The following ABCA1 variants were observed in gnomAD, a reference collection of about 807,000 sequenced individuals.
ABCA1 encodes phospholipid-transporting ATPase ABCA1.
In ABCA1, 133 loss-of-function variants were observed where a neutral mutation model predicts 262.5. The observed-to-expected ratio is 0.51, with a 90% CI of 0.44 to 0.59. The LOEUF (loss-of-function observed/expected upper bound fraction) is 0.59. Among genes scored for constraint, ABCA1 ranks in the 20% least tolerant of loss-of-function variants. The pLI is 0.00. For synonymous variants in ABCA1, 1,022 were observed against 1,043.5 expected (o/e 0.98, Z 0.40); for missense variants, 2,452 against 2,777.5 (o/e 0.88, Z 2.63).
chr9:104,824,340 G>T, intron 18 of ABCA1, 125 bp downstream of exon 18: 1 of 1,538,956 alleles, frequency 6.5e-7, no homozygotes. Context: ...CACTGCATGT[G>T]ATTTCTCTGC....
At chr9:104,818,569 T>C (rs531450867) in intron 23 of ABCA1, 94 bp downstream of exon 23, 4 of 1,237,802 alleles carry the variant, frequency 3.2e-6, no homozygotes, top group Admixed American at 1.7e-5. Flanking sequence ...GGTTTCAACA[T>C]GGCAAAAGGG....
At chr9:104,837,226 T>C in intron 10 of ABCA1, 130 bp from the exon 11 acceptor site, 1 of 1,043,420 alleles carries the variant, frequency 9.6e-7, no homozygotes, top group South Asian at 1.4e-5. Context: ...CCCCAAGAAA[T>C]GCCTGCTTGT....
intron 8 of ABCA1, among the ~76,000 whole-genome samples, chr9:104,841,695 C>A (rs997666105): frequency 6.6e-5 from 10 of 152,140 alleles, no homozygotes; most frequent in Non-Finnish European, 1.5e-4. Context: ...TGGTGAGGCA[C>A]AAATCCTATG....
At chr9:104,851,085 T>C (rs1389657374) in intron 7 of ABCA1, among the ~76,000 whole-genome samples, 2 of 152,204 alleles carry the variant, frequency 1.3e-5, no homozygotes, top group African/African-American at 4.8e-5. Flanking sequence ...CAACATACCA[T>C]GTTTCCTAAA....
At position 104,783,993 on chromosome 9, in the gene ABCA1, C is replaced by CAAA. The variant is rs557492263; in HGVS notation, c.*319_*321dup. On this transcript the variant is annotated 3_prime_UTR_variant, in exon 50 of 50. Transcript: ENST00000374736. ...CAACCCCAATGAGAATACACAGGAA[C>CAAA]AAAAAAAAAAAAAAAAGTGTGAGTT... The CAAA allele has an allele frequency of 2.0e-4, 27 of 135,144 alleles. No individual in the cohort carries two copies. Among genetic ancestry groups the CAAA allele is most frequent in the East Asian group, 2.9e-4 (2 of 6,828 alleles). 8.4% of individuals were successfully genotyped at this position (135,144 alleles called of 1,614,324 possible).
rs1828572563 is a variant in ABCA1 at position 104,781,963 on chromosome 9, T to C, written c.*2352A>G. ...TGAAGATGTATAACTATAGATTGTT[T>C]CTAGCTTCAGAAGAGGTCCTTTCAA... On this transcript the variant is annotated 3_prime_UTR_variant, in exon 50 of 50. Transcript: ENST00000374736. 1 of 152,158 alleles carries C rather than the reference T, an allele frequency of 6.6e-6. No individual in the cohort carries two copies. The allele number at this position is 152,158 out of a possible 1,614,324, so 9.4% of individuals were successfully genotyped here. A position where few individuals can be genotyped will look rare whatever the true frequency, so the allele number is the denominator to read the frequency against.
In ABCA1 at chr9:104,882,028, T is replaced by TAAAAAAAA. The variant is rs557626075; in HGVS notation, c.421+1003_421+1010dup. ...CAAGGAAAGCACAGTTCTGTAGCCT[T>TAAAAAAAA]AAAAAAAAAAAAAAAAAAAAAAAAA... On this transcript the variant is annotated intron_variant, in intron 5 of 49. Transcript: ENST00000374736. Among the ~76,000 whole-genome samples, 411 of 73,718 alleles carry TAAAAAAAA rather than the reference T, an allele frequency of 5.6e-3. 19 individuals carry two copies. The highest frequency in any genetic ancestry group is 0.011 in the African/African-American group (219 of 20,398). 48.4% of individuals were successfully genotyped at this position (73,718 alleles called of 152,430 possible).
chr9:104,833,940 C>T (rs893863250), intron 11 of ABCA1, among the ~76,000 whole-genome samples: 1 of 131,838 alleles, frequency 7.6e-6, no homozygotes, highest in African/African-American at 2.7e-5. Context: ...ACAGCAGCTG[C>T]AAACTCAGCA....
At chr9:104,900,710 C>A (rs1199162584) in intron 2 of ABCA1, among the ~76,000 whole-genome samples, 1 of 152,224 alleles carries the variant, frequency 6.6e-6, no homozygotes, top group East Asian at 1.9e-4. Flanking sequence ...ACTTTCCTGA[C>A]TGACCAACTC....
chr9:104,824,366 A>T, intron 18 of ABCA1, 99 bp downstream of exon 18: 2 of 1,574,122 alleles, frequency 1.3e-6, no homozygotes. Context: ...GAGTGGTTTC[A>T]CAGTCTTTTA....
At chr9:104,795,214 A>G (rs1466485653) in intron 39 of ABCA1, among the ~76,000 whole-genome samples, 2 of 152,240 alleles carry the variant, frequency 1.3e-5, no homozygotes, top group Non-Finnish European at 2.9e-5. Flanking sequence ...ACCCTGTGAC[A>G]GAAGAAGGGC....
At chr9:104,828,845 T>C in intron 15 of ABCA1, 71 bp downstream of exon 15, 1 of 1,492,854 alleles carries the variant, frequency 6.7e-7, no homozygotes, top group Non-Finnish European at 9.2e-7. Flanking sequence ...TTTTTCTTCT[T>C]CTCCTCCCTT....
chr9:104,894,043 C>T (rs1839995345), intron 2 of ABCA1, among the ~76,000 whole-genome samples: 1 of 152,154 alleles, frequency 6.6e-6, no homozygotes, highest in South Asian at 2.1e-4. Context: ...GAGGTTTGAA[C>T]AAGTTACGAG....
intron 19 of ABCA1, among the ~76,000 whole-genome samples, chr9:104,821,889 A>T (rs1382470568): frequency 1.3e-5 from 2 of 152,246 alleles, no homozygotes; most frequent in Non-Finnish European, 2.9e-5. Context: ...TGCCTTTTAA[A>T]AATCTTCTGA....
Position 104,892,199 on chromosome 9 carries a change from TG to T in ABCA1, c.67-3005del, listed in dbSNP as rs140577147. On this transcript the variant is annotated intron_variant, in intron 2 of 49. Coordinates refer to ENST00000374736, the MANE Select transcript of ABCA1 (RefSeq NM_005502.4). ...ACAGTGGAGTACTCAAGACCAAAGATGGGGCTGGTCTTGCTAATATTTCTGT... is the reference window on the plus strand; with the variant it reads ...ACAGTGGAGTACTCAAGACCAAAGATGGGCTGGTCTTGCTAATATTTCTGT... 4.2e-4 allele frequency among the ~76,000 whole-genome samples: 64 copies of T among 152,002 alleles called. 1 individual carries two copies. Among genetic ancestry groups the T allele is most frequent in the African/African-American group, 1.5e-3 (62 of 41,480 alleles).
In ABCA1 at chr9:104,831,663, C is replaced by A; in HGVS notation, c.1674G>T (p.Met558Ile). Residue 558 changes from methionine (M) to isoleucine (I), a missense_variant, in exon 13 of 50, where the codon ATG becomes ATT. Physicochemically the swap from Met to Ile is conservative, Grantham distance 10 (BLOSUM62 1). This residue lies in a region of ABCA1 where 1,032 missense variants were observed against 1,089.7 expected (regional missense o/e 0.95). Coordinates refer to ENST00000374736, the MANE Select transcript of ABCA1 (RefSeq NM_005502.4). ...TTGTCCTCTCCACATTGTCAATGTCCATTCGGATCTTGTACTTGACATGAT... is the reference window on the plus strand; with the variant it reads ...TTGTCCTCTCCACATTGTCAATGTCAATTCGGATCTTGTACTTGACATGAT... ...LPHHVKYKIR[M>I]DIDNVERTNK... The A allele has an allele frequency of 6.2e-7, 1 of 1,614,180 alleles. No individual in the cohort carries two copies. Among genetic ancestry groups the A allele is most frequent in the Non-Finnish European group, 8.5e-7 (1 of 1,180,036 alleles).
At chr9:104,898,036 C>T (rs1406648247) in intron 2 of ABCA1, among the ~76,000 whole-genome samples, 1 of 152,176 alleles carries the variant, frequency 6.6e-6, no homozygotes. Context: ...ACAGCCTACA[C>T]ATCAGAAATC....
Position 104,814,428 on chromosome 9 carries a change from T to C in ABCA1, c.3786A>G (p.Ser1262=), listed in dbSNP as rs758324023. 6.8e-6 allele frequency: 11 copies of C among 1,614,056 alleles called. No homozygotes were observed. The South Asian group carries it at 8.8e-5, about 13-fold the overall frequency. The change falls in exon 26 of 50, where the codon TCA becomes TCG. Residue 1262 remains serine (S), a splice_region_variant and synonymous_variant. Coordinates refer to ENST00000374736, the MANE Select transcript of ABCA1 (RefSeq NM_005502.4). ...GCCATTCTCCCTCAAGGCAGTTACCTGAGGTCTCAGCATCCACCCCACTCT... is the reference window on the plus strand; with the variant it reads ...GCCATTCTCCCTCAAGGCAGTTACCCGAGGTCTCAGCATCCACCCCACTCT... ...AEESGVDAET[S]DGTLPARRNR... is the part of the protein sequence containing the mutation.
chr9:104,818,471 A>G (rs1831978552), intron 23 of ABCA1, among the ~76,000 whole-genome samples, 192 bp downstream of exon 23: 1 of 152,224 alleles, frequency 6.6e-6, no homozygotes, highest in Non-Finnish European at 1.5e-5. Flanking sequence ...ATTCAACAGA[A>G]CTAGCACAAT....
Sources: allele counts gnomAD v4.1 joint callset (sites outside exome capture counted in the v4.1 genomes callset), GRCh38; gene constraint gnomAD v4.1.1; regional missense constraint gnomAD v4.1.1; transcripts MANE v1.5; gene names NCBI Gene and HGNC (gene_info 2026-07-23, HGNC 2026-07-21).